ACSBG2: variants seen among roughly 807,000 people sequenced by gnomAD.
ACSBG2 encodes the protein long-chain-fatty-acid--CoA ligase ACSBG2.
A neutral mutation model predicts 74.7 loss-of-function variants in ACSBG2; 62 were observed. The observed-to-expected ratio is 0.83, with a 90% CI of 0.68 to 1.03. ACSBG2 has a LOEUF of 1.03. Among genes scored for constraint, ACSBG2 ranks in the 50% least tolerant of loss-of-function variants. The pLI is 0.00. For missense variants in ACSBG2, 730 were observed against 817.6 expected (o/e 0.89, Z 1.31); for synonymous variants, 309 against 294.1 (o/e 1.05, Z -0.52).
rs1568236805 is a variant in ACSBG2 at position 6,165,846 on chromosome 19, CT to C, written c.589-18del. ...CTCCCGACTGCCTTCTCATCCTCCG[CT>C]TGTCTTTTCTGTCCACAGTGGGATG... On this transcript the variant is annotated intron_variant, in intron 6 of 14. Transcript: ENST00000588485. The C allele has an allele frequency of 1.2e-6, 2 of 1,613,544 alleles. No individual in the cohort carries two copies. Among genetic ancestry groups the C allele is most frequent in the East Asian group, 4.5e-5 (2 of 44,864 alleles).
At chr19:6,162,561 C>A (rs62108661) in intron 6 of ACSBG2, among the ~76,000 whole-genome samples, 1 of 97,018 alleles carries the variant, frequency 1.0e-5, no homozygotes, top group Non-Finnish European at 2.0e-5. Flanking sequence ...AGCAAGACTC[C>A]GTCTCAAAAA....
intron 1 of ACSBG2, among the ~76,000 whole-genome samples, chr19:6,137,043 T>A (rs1172151218): frequency 6.6e-6 from 1 of 152,190 alleles, no homozygotes; most frequent in African/African-American, 2.4e-5. Flanking sequence ...CATTTGTCTT[T>A]TAAATCCAGA....
intron 6 of ACSBG2, among the ~76,000 whole-genome samples, chr19:6,162,762 G>A (rs559787911): frequency 6.6e-6 from 1 of 152,104 alleles, no homozygotes; most frequent in African/African-American, 2.4e-5. Context: ...CCTGTAGGAT[G>A]TTGAGCTGCA....
intron 13 of ACSBG2, 184 bp from the exon 14 acceptor site, chr19:6,190,400 G>T (rs1035515479): frequency 1.8e-6 from 1 of 567,080 alleles, no homozygotes; most frequent in African/African-American, 1.9e-5. Context: ...CACCACAGCT[G>T]AAGGATCACA....
At chr19:6,157,230 G>A (rs1039517224) in intron 5 of ACSBG2, among the ~76,000 whole-genome samples, 2 of 152,150 alleles carry the variant, frequency 1.3e-5, no homozygotes, top group South Asian at 2.1e-4. Context: ...TTACAGGCGT[G>A]AGCCACCGCC....
intron 4 of ACSBG2, among the ~76,000 whole-genome samples, chr19:6,155,633 T>C (rs1035332800): frequency 4.0e-5 from 6 of 151,560 alleles, no homozygotes; most frequent in Non-Finnish European, 8.8e-5. Flanking sequence ...CTACAAAAAA[T>C]ACAAAAATTA....
At chr19:6,138,906 C>T (rs529966151) in intron 1 of ACSBG2, among the ~76,000 whole-genome samples, 1 of 151,972 alleles carries the variant, frequency 6.6e-6, no homozygotes, top group Non-Finnish European at 1.5e-5. Flanking sequence ...TCCAGAGGGG[C>T]CTTGGGCTTC....
At chr19:6,154,346 C>T (rs1012185627) in intron 4 of ACSBG2, among the ~76,000 whole-genome samples, 13 of 144,634 alleles carry the variant, frequency 9.0e-5, no homozygotes, top group African/African-American at 2.8e-4. Flanking sequence ...TGCAGTGAGC[C>T]GAGATCATGC....
Position 6,179,802 on chromosome 19 carries a change from G to A in ACSBG2, c.906+2406G>A, listed in dbSNP as rs369244425. Reference sequence around the variant, plus strand: ...TAATTTTTGTATTTTTAGTAGAGACGGGATTTCACCATGTTGGCAAGGCTG... The same window carrying A: ...TAATTTTTGTATTTTTAGTAGAGACAGGATTTCACCATGTTGGCAAGGCTG... On this transcript the variant is annotated intron_variant, in intron 8 of 14. Transcript: ENST00000588485. Among the ~76,000 whole-genome samples the A allele has an allele frequency of 2.0e-4, 30 of 152,066 alleles. No homozygotes were observed. In the East Asian group the frequency reaches 4.3e-3, roughly 22 times the overall value.
rs748292175 is a variant in ACSBG2, at chr19:6,183,109, G to A, written c.1159G>A (p.Gly387Ser). ...LVFSKVKTSL[G>S]LDHCHSFISG... ...GTTCAGCAAAGTCAAGACATCCCTTGGCTTGGATCACTGTCACTCTTTTAT... is the reference window on the plus strand; with the variant it reads ...GTTCAGCAAAGTCAAGACATCCCTTAGCTTGGATCACTGTCACTCTTTTAT... Residue 387 changes from glycine (G) to serine (S), a missense_variant, in exon 10 of 15, where the codon GGC becomes AGC. Gly to Ser is a moderately conservative substitution (Grantham distance 56, BLOSUM62 0). Coordinates refer to ENST00000588485, the MANE Select transcript of ACSBG2 (RefSeq NM_030924.5). 1.2e-6 allele frequency: 2 copies of A among 1,614,192 alleles called. No homozygotes were observed. The highest frequency in any genetic ancestry group is 1.7e-6 in the Non-Finnish European group (2 of 1,180,040).
intron 10 of ACSBG2, among the ~76,000 whole-genome samples, chr19:6,184,924 TTTTG>T (rs2090365305): frequency 1.3e-5 from 2 of 150,494 alleles, no homozygotes; most frequent in Non-Finnish European, 3.0e-5. Context: ...TTGTTTTTGT[TTTTG>T]TTTTTGTTTT....
chr19:6,139,239 C>T (rs1031222649), intron 1 of ACSBG2, among the ~76,000 whole-genome samples: 3 of 152,040 alleles, frequency 2.0e-5, no homozygotes, highest in African/African-American at 4.8e-5. Flanking sequence ...AGGTGTCTGC[C>T]ACCATGCCTG....
In ACSBG2 at chr19:6,135,806, T is replaced by A. The variant is rs2144959433; in HGVS notation, c.-135T>A. 6.6e-6 allele frequency: 1 copy of A among 152,418 alleles called. No individual in the cohort carries two copies. The highest frequency in any genetic ancestry group is 2.4e-5 in the African/African-American group (1 of 41,568). The allele number at this position is 152,418 out of a possible 1,614,324, so 9.4% of individuals were successfully genotyped here. A position where few individuals can be genotyped will look rare whatever the true frequency, so the allele number is the denominator to read the frequency against. ...GTTCAGGTTTCCAGGAGGGGCTACC[T>A]GTTGACTGTCTTTGCAGGAAGAAGA... On this transcript the variant is annotated 5_prime_UTR_variant, in exon 1 of 15. Coordinates refer to ENST00000588485, the MANE Select transcript of ACSBG2 (RefSeq NM_030924.5).
At position 6,174,157 on chromosome 19, in the gene ACSBG2, G is replaced by A. The variant is rs924194638; in HGVS notation, c.739-3072G>A. ...TCACCACGTTGGCCAGGCTGGTCTC[G>A]AACTCCTGACCTCAGGTGATCCACC... On this transcript the variant is annotated intron_variant, in intron 7 of 14. Transcript: ENST00000588485. This position sits in a 1 kb window ranked among gnomAD's most constrained non-coding sequence, Gnocchi z 4.2. 8.5e-5 allele frequency among the ~76,000 whole-genome samples: 13 copies of A among 152,136 alleles called. No individual in the cohort carries two copies. Among genetic ancestry groups the A allele is most frequent in the Non-Finnish European group, 5.9e-5 (4 of 67,990 alleles).
intron 7 of ACSBG2, among the ~76,000 whole-genome samples, chr19:6,175,023 AG>A (rs2090056428): frequency 6.6e-6 from 1 of 152,234 alleles, no homozygotes; most frequent in Non-Finnish European, 1.5e-5. Context: ...TACTTGGTCA[AG>A]ATCACAGAGC....
chr19:6,170,901 C>T (rs1460451554), intron 7 of ACSBG2, among the ~76,000 whole-genome samples: 1 of 151,862 alleles, frequency 6.6e-6, no homozygotes, highest in Non-Finnish European at 1.5e-5. Context: ...AATCTGGGGG[C>T]TCTGATGTTG....
chr19:6,139,473 G>A (rs1337639490), intron 1 of ACSBG2, among the ~76,000 whole-genome samples: 6 of 152,152 alleles, frequency 3.9e-5, no homozygotes, highest in Non-Finnish European at 5.9e-5. Flanking sequence ...TAAGAATCAC[G>A]TGCATGTTAC....
At position 6,138,581 on chromosome 19, in the gene ACSBG2, AG is replaced by A. The variant is rs1408510085; in HGVS notation, c.-32+2674del. On this transcript the variant is annotated intron_variant, in intron 1 of 14. Coordinates refer to ENST00000588485, the MANE Select transcript of ACSBG2 (RefSeq NM_030924.5). ...AGGAAGGAAAGAAGGGAGGGAGGGA[AG>A]GAAAGAGGGAAGAGAGAGGGAGGAA... Among the ~76,000 whole-genome samples, 8 of 106,020 alleles carry A rather than the reference AG, an allele frequency of 7.5e-5. No homozygotes were observed. The East Asian group carries it at 1.9e-3, about 25-fold the overall frequency. The allele number at this position is 106,020 out of a possible 152,430, so 69.6% of individuals were successfully genotyped here.
intron 2 of ACSBG2, among the ~76,000 whole-genome samples, chr19:6,143,209 T>TA (rs2088909712): frequency 6.6e-6 from 1 of 150,744 alleles, no homozygotes; most frequent in Admixed American, 6.6e-5. Context: ...CGTGCCTGGC[T>TA]AATTTTTTTT....
Sources: gnomAD v4.1 joint callset for allele counts (sites outside exome capture counted in the v4.1 genomes callset) on GRCh38, gnomAD v4.1.1 for gene constraint, Gnocchi (gnomAD v3.1) non-coding constraint, MANE v1.5 for transcripts, NCBI Gene and HGNC (gene_info 2026-07-23, HGNC 2026-07-21) for gene names.